The following ADAMTS2 variants were observed in gnomAD, a reference collection of about 807,000 sequenced individuals.
ADAMTS2 encodes A disintegrin and metalloproteinase with thrombospondin motifs 2.
Under a neutral mutation model 123.0 loss-of-function variants are expected in ADAMTS2, and 50 were observed. The observed-to-expected ratio is 0.41, with a 90% CI of 0.32 to 0.51. ADAMTS2 has a LOEUF of 0.51. Ranked by LOEUF, ADAMTS2 falls within the 20% of genes least tolerant of loss-of-function variation. The pLI, the probability that ADAMTS2 is intolerant of heterozygous loss-of-function variation, is 0.35. For missense variants in ADAMTS2, 1,494 were observed against 1,705.2 expected (o/e 0.88, Z 2.18); for synonymous variants, 678 against 695.4 (o/e 0.98, Z 0.39).
intron 2 of ADAMTS2, among the ~76,000 whole-genome samples, chr5:179,298,621 C>T (rs1017821652): frequency 4.6e-5 from 7 of 152,146 alleles, no homozygotes; most frequent in Non-Finnish European, 1.0e-4. Context: ...GCTCAGAATA[C>T]ACACGTGGCA....
chr5:179,192,584 C>T (rs900445387), intron 4 of ADAMTS2, among the ~76,000 whole-genome samples: 2 of 152,214 alleles, frequency 1.3e-5, no homozygotes, highest in African/African-American at 4.8e-5. Context: ...CACAAGGGTC[C>T]GTGATCACTT....
chr5:179,136,311 C>T lies in ADAMTS2; in HGVS notation c.1952-269G>A, dbSNP rs536380358. On this transcript the variant is annotated intron_variant, in intron 12 of 21. Coordinates refer to ENST00000251582, the MANE Select transcript of ADAMTS2 (RefSeq NM_014244.5). ...TGGTGCAGCCCGGCTCTCACATCCCCGAGGCCCCGCTTGGAGACCTCCGAG... is the reference window on the plus strand; with the variant it reads ...TGGTGCAGCCCGGCTCTCACATCCCTGAGGCCCCGCTTGGAGACCTCCGAG... Among the ~76,000 whole-genome samples, 8 of 152,258 alleles carry T rather than the reference C, an allele frequency of 5.3e-5. No homozygotes were observed. The East Asian group carries it at 5.8e-4, about 11-fold the overall frequency.
At position 179,332,244 on chromosome 5, in the gene ADAMTS2, G is replaced by T. The variant is rs1757501409; in HGVS notation, c.534+11523C>A. Among the ~76,000 whole-genome samples the T allele has an allele frequency of 6.6e-6, 1 of 152,156 alleles. No homozygotes were observed. Among genetic ancestry groups the T allele is most frequent in the Non-Finnish European group, 1.5e-5 (1 of 68,032 alleles). ...ATGGGCAGGGCAAGGTAACGGGAAG[G>T]GCTGCAGAGCCTCCACGCCCTCTCT... On this transcript the variant is annotated intron_variant, in intron 2 of 21. Transcript: ENST00000251582. The surrounding 1 kb of genome is among the most constrained non-coding windows in gnomAD (Gnocchi z 4.2).
At chr5:179,208,642 A>T (rs1261325400) in intron 3 of ADAMTS2, among the ~76,000 whole-genome samples, 3 of 152,106 alleles carry the variant, frequency 2.0e-5, no homozygotes, top group African/African-American at 7.2e-5. Flanking sequence ...TTCAGTTCCC[A>T]GCCCTCCACT....
At chr5:179,131,074 A>G (rs1762952088) in intron 15 of ADAMTS2, among the ~76,000 whole-genome samples, 1 of 152,056 alleles carries the variant, frequency 6.6e-6, no homozygotes, top group Admixed American at 6.6e-5. Flanking sequence ...GCATTTTGGG[A>G]GGCCGAGGCA....
intron 3 of ADAMTS2, among the ~76,000 whole-genome samples, chr5:179,217,815 A>ACTGGGGGATGGGCACACTCT (rs1765024957): frequency 3.1e-5 from 3 of 96,916 alleles, no homozygotes; most frequent in African/African-American, 1.1e-4. Context: ...GGGCACACTC[A>ACTGGGGGATGGGCACACTCT]CTAGGGGATG....
chr5:179,148,850 G>C lies in ADAMTS2; in HGVS notation c.1629+3292C>G, dbSNP rs541571827. On this transcript the variant is annotated intron_variant, in intron 10 of 21. Coordinates refer to ENST00000251582, the MANE Select transcript of ADAMTS2 (RefSeq NM_014244.5). Reference sequence around the variant, plus strand: ...CTGGATTCTCCCTCCCAGACGGAGGGGGGTACTGTGGGCAGGTGGTCAAGG... The same window carrying C: ...CTGGATTCTCCCTCCCAGACGGAGGCGGGTACTGTGGGCAGGTGGTCAAGG... Among the ~76,000 whole-genome samples, 5 of 152,314 alleles carry C rather than the reference G, an allele frequency of 3.3e-5. No homozygotes were observed. The East Asian group carries it at 7.7e-4, about 24-fold the overall frequency.
chr5:179,199,503 T>C (rs963411468), intron 4 of ADAMTS2, among the ~76,000 whole-genome samples: 16 of 152,166 alleles, frequency 1.1e-4, no homozygotes, highest in African/African-American at 3.6e-4. Flanking sequence ...GCTGGAGCAG[T>C]GCACCAGTAG....
intron 2 of ADAMTS2, among the ~76,000 whole-genome samples, chr5:179,329,390 GAA>G (rs1185807482): frequency 1.3e-5 from 2 of 150,292 alleles, no homozygotes; most frequent in Non-Finnish European, 3.0e-5. Flanking sequence ...TATCCTCCAT[GAA>G]CTTCACAGAT....
intron 4 of ADAMTS2, 131 bp downstream of exon 4, chr5:179,207,382 G>T: frequency 1.0e-6 from 1 of 964,276 alleles, no homozygotes; most frequent in Non-Finnish European, 1.6e-6. Flanking sequence ...CTGAGACTGT[G>T]TCACTCACCT....
At chr5:179,210,103 G>T (rs527404318) in intron 3 of ADAMTS2, among the ~76,000 whole-genome samples, 4 of 152,292 alleles carry the variant, frequency 2.6e-5, no homozygotes, top group African/African-American at 9.6e-5. Flanking sequence ...TAAGAGATGG[G>T]GCCACCCCAG....
intron 3 of ADAMTS2, among the ~76,000 whole-genome samples, chr5:179,230,688 T>C (rs981735690): frequency 1.3e-5 from 2 of 152,204 alleles, no homozygotes; most frequent in African/African-American, 4.8e-5. Context: ...ATTCATGTAC[T>C]GTCAGGCACT....
intron 2 of ADAMTS2, among the ~76,000 whole-genome samples, chr5:179,302,288 C>T (rs948329664): frequency 2.7e-5 from 4 of 150,276 alleles, no homozygotes; most frequent in Non-Finnish European, 4.4e-5. Flanking sequence ...AGTGAAACCC[C>T]GTCTCTACTA....
At chr5:179,147,356 C>T (rs1055578156) in intron 10 of ADAMTS2, among the ~76,000 whole-genome samples, 6 of 152,136 alleles carry the variant, frequency 3.9e-5, no homozygotes, top group Admixed American at 6.5e-5. Flanking sequence ...CCCAAAGTGT[C>T]GGGATTACAG....
chr5:179,223,468 G>C (rs1436263199), intron 3 of ADAMTS2, among the ~76,000 whole-genome samples: 2 of 143,792 alleles, frequency 1.4e-5, no homozygotes, highest in African/African-American at 5.3e-5. Flanking sequence ...ACACACGAAT[G>C]CACTCACACA....
chr5:179,168,589 G>A (rs1581165665), intron 5 of ADAMTS2, among the ~76,000 whole-genome samples: 2 of 152,224 alleles, frequency 1.3e-5, no homozygotes, highest in African/African-American at 2.4e-5. Flanking sequence ...TTGCACGAAC[G>A]CCTTTATGAT....
chr5:179,140,982 T>TA (rs1763157386), intron 10 of ADAMTS2, among the ~76,000 whole-genome samples: 1 of 146,934 alleles, frequency 6.8e-6, no homozygotes, highest in African/African-American at 2.6e-5. Context: ...GCATTTTTTT[T>TA]TTTTTTATTT....
intron 3 of ADAMTS2, among the ~76,000 whole-genome samples, chr5:179,268,003 C>G (rs1380257134): frequency 6.6e-6 from 1 of 152,242 alleles, no homozygotes; most frequent in Admixed American, 6.5e-5. Context: ...TCACTGAGCT[C>G]AGCGCCGTGG....
In ADAMTS2 at chr5:179,139,878, G is replaced by A; in HGVS notation, c.1775+12C>T. The A allele has an allele frequency of 1.2e-6, 2 of 1,611,802 alleles. No individual in the cohort carries two copies. Among genetic ancestry groups the A allele is most frequent in the Non-Finnish European group, 1.7e-6 (2 of 1,179,906 alleles). ...CACTCAGCAAGGCCAGGGGGACATG[G>A]GGCCAACTCACTGTGGGTTGTCACA... is the stretch of plus-strand genomic sequence containing the variant. On this transcript the variant is annotated intron_variant, in intron 11 of 21. Coordinates refer to ENST00000251582, the MANE Select transcript of ADAMTS2 (RefSeq NM_014244.5).
Sources: gnomAD v4.1 joint callset for allele counts (sites outside exome capture counted in the v4.1 genomes callset) on GRCh38, gnomAD v4.1.1 for gene constraint, Gnocchi (gnomAD v3.1) non-coding constraint, MANE v1.5 for transcripts, NCBI Gene and HGNC (gene_info 2026-07-23, HGNC 2026-07-21) for gene names.